CD151: variants seen among roughly 807,000 people sequenced by gnomAD.
CD151 encodes the protein CD151 molecule (Raph blood group), also known as CD151 antigen.
In CD151, 20 loss-of-function variants were observed where a neutral mutation model predicts 34.2. That is an observed-to-expected ratio of 0.58 (90% CI 0.41 to 0.85). The LOEUF (loss-of-function observed/expected upper bound fraction) is 0.85. Ranked by LOEUF, CD151 falls within the 40% of genes least tolerant of loss-of-function variation. The pLI is 0.00. For synonymous variants in CD151, 157 were observed against 131.7 expected, an observed-to-expected ratio of 1.19 and a Z score of -1.32; for missense variants, 306 against 324.5, an observed-to-expected ratio of 0.94 and a Z score of 0.44.
chr11:833,580 C>A (rs1846623763), intron 1 of CD151, among the ~76,000 whole-genome samples: 1 of 152,220 alleles, frequency 6.6e-6, no homozygotes, highest in South Asian at 2.1e-4. Context: ...GGTGCAGGTC[C>A]CGGGGACTTG....
rs963137891 is a variant in CD151 at position 836,548 on chromosome 11, G to T, written c.276+106G>T. The T allele has an allele frequency of 8.9e-5, 81 of 914,204 alleles. No individual in the cohort carries two copies. The South Asian group carries it at 1.2e-3, about 14-fold the overall frequency. The allele number at this position is 914,204 out of a possible 1,614,324, so 56.6% of individuals were successfully genotyped here. On this transcript the variant is annotated intron_variant, in intron 4 of 8. Transcript: ENST00000397420. Reference sequence around the variant, plus strand: ...CCTTGCTGTGCTCACCTGGGGGGGGGGTCACGGTCCTTCCACACCTGCCTA... The same window carrying T: ...CCTTGCTGTGCTCACCTGGGGGGGGTGTCACGGTCCTTCCACACCTGCCTA...
At position 838,256 on chromosome 11, in the gene CD151, G is replaced by T; in HGVS notation, c.*64G>T. The T allele has an allele frequency of 7.2e-7, 1 of 1,398,080 alleles. No individual in the cohort carries two copies. Among genetic ancestry groups the T allele is most frequent in the South Asian group, 1.2e-5 (1 of 86,432 alleles). The allele number at this position is 1,398,080 out of a possible 1,614,324, so 86.6% of individuals were successfully genotyped here. On this transcript the variant is annotated 3_prime_UTR_variant, in exon 9 of 9. Transcript: ENST00000397420. Reference sequence around the variant, plus strand: ...GAGCTGAGACCACTGAGTACCAGGGGCTGGGCTCCCTGATGACACCCACCC... The same window carrying T: ...GAGCTGAGACCACTGAGTACCAGGGTCTGGGCTCCCTGATGACACCCACCC...
intron 1 of CD151, 35 bp downstream of exon 1, chr11:833,061 GGCGAGCGGGGCGAGGGGGGCGAGGGGC>G (rs931451443): frequency 1.3e-5 from 2 of 150,752 alleles, no homozygotes; most frequent in African/African-American, 4.9e-5. Flanking sequence ...GGCCGAGCGG[GGCGAGCGGGGCGAGGGGGGCGAGGGGC>G]GCGAGGGGGG....
intron 1 of CD151, among the ~76,000 whole-genome samples, chr11:833,629 A>G (rs111609686): frequency 0.041 from 6,276 of 152,250 alleles, 161 homozygotes; most frequent in Middle Eastern, 0.051. Flanking sequence ...GCCCTTTCCC[A>G]GGGGGTCCAG....
chr11:835,860 TG>T, intron 2 of CD151: 1 of 520,648 alleles, frequency 1.9e-6, no homozygotes, highest in Non-Finnish European at 3.5e-6. Flanking sequence ...GCTAATTTTT[TG>T]TATTTCTAGT....
Position 836,909 on chromosome 11 carries a change from G to A in CD151, c.351+66G>A, listed in dbSNP as rs1165551703. The A allele has an allele frequency of 4.3e-6, 6 of 1,394,036 alleles. No individual in the cohort carries two copies. In the Admixed American group the frequency reaches 5.3e-5, roughly 12 times the overall value. The allele number at this position is 1,394,036 out of a possible 1,614,324, so 86.4% of individuals were successfully genotyped here. A position where few individuals can be genotyped will look rare whatever the true frequency, so the allele number is the denominator to read the frequency against. On this transcript the variant is annotated intron_variant, in intron 5 of 8. Transcript: ENST00000397420. ...ACAGGCGGGGCGGACACACACACAT[G>A]CACACGCGTGGCTAGCCCCAACCCC...
In CD151 at chr11:837,457, C is replaced by T. The variant is rs370625724; in HGVS notation, c.457-3C>T. Reference sequence around the variant, plus strand: ...CTCAACCCCAGCCTTGTTCTTGATGCAGTTCCACTGCTGTGGCAGCAACAA... The same window carrying T: ...CTCAACCCCAGCCTTGTTCTTGATGTAGTTCCACTGCTGTGGCAGCAACAA... On this transcript the variant is annotated splice_region_variant and splice_polypyrimidine_tract_variant and intron_variant, in intron 6 of 8. Transcript: ENST00000397420. 181 of 1,612,746 alleles carry T rather than the reference C, an allele frequency of 1.1e-4. 2 individuals carry two copies. Among genetic ancestry groups the T allele is most frequent in the Non-Finnish European group, 1.5e-4 (172 of 1,179,918 alleles).
At chr11:833,070 G>GGCGAGCGGGGCGAGGGGGGCGAGGGGC (rs1846573932) in intron 1 of CD151, 44 bp downstream of exon 1, 3 of 130,464 alleles carry the variant, frequency 2.3e-5, no homozygotes, top group South Asian at 2.3e-4. Flanking sequence ...GGGCGAGCGG[G>GGCGAGCGGGGCGAGGGGGGCGAGGGGC]GCGAGGGGGG....
rs757008071 is a variant in CD151, at chr11:837,352, G to GT, written c.454_455insT (p.Glu152ValfsTer17). On this transcript the variant is annotated frameshift_variant and splice_region_variant, in exon 6 of 9. Coordinates refer to ENST00000397420, the MANE Select transcript of CD151 (RefSeq NM_004357.5). LOFTEE classifies it high-confidence loss of function. ...CAGCGCTGTGGACCAGCTGCAGCAG[G>GT]AGGTGGGTGGGTGGTGCTGGGAGGG... 6.2e-7 allele frequency: 1 copy of GT among 1,612,614 alleles called. No homozygotes were observed. The highest frequency in any genetic ancestry group is 8.5e-7 in the Non-Finnish European group (1 of 1,179,686).
rs1015405194 is a variant in CD151 at position 838,711 on chromosome 11, C to T, written c.*519C>T. On this transcript the variant is annotated 3_prime_UTR_variant, in exon 9 of 9. Transcript: ENST00000397420. ...CCCGAAATGCCACGTGGTCACTGTGCACTGCCCTGTTCATGTGCCTCTGCG... is the reference window on the plus strand; with the variant it reads ...CCCGAAATGCCACGTGGTCACTGTGTACTGCCCTGTTCATGTGCCTCTGCG... 5.1e-6 allele frequency: 1 copy of T among 194,268 alleles called. No homozygotes were observed. Among genetic ancestry groups the T allele is most frequent in the South Asian group, 9.4e-5 (1 of 10,614 alleles). The allele number at this position is 194,268 out of a possible 1,614,324, so 12.0% of individuals were successfully genotyped here. A position where few individuals can be genotyped will look rare whatever the true frequency, so the allele number is the denominator to read the frequency against.
Position 837,333 on chromosome 11 carries a change from T to A in CD151, c.435T>A (p.Ala145=). Residue 145 remains alanine, a synonymous_variant, in exon 6 of 9, where the codon GCT becomes GCA. Coordinates refer to ENST00000397420, the MANE Select transcript of CD151 (RefSeq NM_004357.5). ...CGGGCCATGAGGCTGTGACCAGCGC[T>A]GTGGACCAGCTGCAGCAGGAGGTGG... is the stretch of plus-strand genomic sequence containing the variant. The part of the protein sequence containing the change: ...HQPGHEAVTS[A]VDQLQQEFHC... 6.2e-7 allele frequency: 1 copy of A among 1,612,834 alleles called. No individual in the cohort carries two copies. The highest frequency in any genetic ancestry group is 8.5e-7 in the Non-Finnish European group (1 of 1,179,874).
rs747742714 is a variant in CD151, at chr11:836,311, A to G, written c.145A>G (p.Ile49Val). 5.7e-5 allele frequency: 92 copies of G among 1,612,648 alleles called. No homozygotes were observed. The highest frequency in any genetic ancestry group is 4.0e-4 in the Admixed American group (24 of 60,002). Reference sequence around the variant, plus strand: ...GACGCTGGCCCTCAAGAGTGACTACATCAGCCTGCTGGCCTCAGGCACCTA... The same window carrying G: ...GACGCTGGCCCTCAAGAGTGACTACGTCAGCCTGCTGGCCTCAGGCACCTA... ...IWTLALKSDY[I>V]SLLASGTYLA... The change falls in exon 4 of 9, where the codon ATC becomes GTC. Residue 49 changes from isoleucine to valine, a missense_variant. Ile to Val is a conservative substitution (Grantham distance 29, BLOSUM62 3). Transcript: ENST00000397420.
In CD151 at chr11:838,243, C is replaced by CTT; in HGVS notation, c.*52_*53insTT. On this transcript the variant is annotated 3_prime_UTR_variant, in exon 9 of 9. Coordinates refer to ENST00000397420, the MANE Select transcript of CD151 (RefSeq NM_004357.5). The stretch of plus-strand genomic sequence containing the variant: ...GCACCCAACTACTGAGCTGAGACCA[C>CTT]TGAGTACCAGGGGCTGGGCTCCCTG... 1 of 1,499,274 alleles carries CTT rather than the reference C, an allele frequency of 6.7e-7. No homozygotes were observed. Among genetic ancestry groups the CTT allele is most frequent in the Non-Finnish European group, 9.3e-7 (1 of 1,076,946 alleles). 92.9% of individuals were successfully genotyped at this position (1,499,274 alleles called of 1,614,324 possible).
In CD151 at chr11:838,207, T is replaced by TTGC. The variant is rs1303298468; in HGVS notation, c.*25_*27dup. 6.2e-7 allele frequency: 1 copy of TTGC among 1,609,362 alleles called. No homozygotes were observed. On this transcript the variant is annotated 3_prime_UTR_variant, in exon 9 of 9. Coordinates refer to ENST00000397420, the MANE Select transcript of CD151 (RefSeq NM_004357.5). ...AGCACTACTGACCCTGCCTTGGGCC[T>TTGC]TGCTGCTGCTGCACCCAACTACTGA...
intron 2 of CD151, chr11:835,160 G>A (rs978032824): frequency 1.3e-5 from 2 of 152,190 alleles, no homozygotes; most frequent in African/African-American, 4.8e-5. Flanking sequence ...AGTGATGGCG[G>A]GAGGTCCTCC....
Position 838,446 on chromosome 11 carries a change from T to C in CD151, c.*254T>C. 1.7e-6 allele frequency: 1 copy of C among 587,836 alleles called. No individual in the cohort carries two copies. Among genetic ancestry groups the C allele is most frequent in the Non-Finnish European group, 3.0e-6 (1 of 329,324 alleles). 36.4% of individuals were successfully genotyped at this position (587,836 alleles called of 1,614,324 possible). A position where few individuals can be genotyped will look rare whatever the true frequency, so the allele number is the denominator to read the frequency against. ...ACACACTCTCTGCCTGGTGGTCAGA[T>C]GCAGGTTGGAAGGGGCCTTGCTGAG... On this transcript the variant is annotated 3_prime_UTR_variant, in exon 9 of 9. Transcript: ENST00000397420.
At chr11:835,933 T>A (rs1188428628) in intron 2 of CD151, 130 bp from the exon 3 acceptor site, 21 of 661,788 alleles carry the variant, frequency 3.2e-5, no homozygotes, top group Middle Eastern at 6.7e-4. Flanking sequence ...GTGATCTGCC[T>A]GCCTTGGCCC....
rs766812210 is a variant in CD151 at position 837,587 on chromosome 11, G to C, written c.584G>C (p.Arg195Pro). 2 of 1,612,732 alleles carry C rather than the reference G, an allele frequency of 1.2e-6. No homozygotes were observed. Among genetic ancestry groups the C allele is most frequent in the Admixed American group, 3.3e-5 (2 of 60,004 alleles). ...ACGGTGGTGGCTCTTTGTGGGCAGC[G>C]AGACCATGCCTCCAACATCTACAAG... ...CKTVVALCGQRDHASNIYKVE... is the reference protein window; with the variant it reads ...CKTVVALCGQPDHASNIYKVE... Residue 195 changes from arginine (R) to proline (P), a missense_variant, in exon 7 of 9, where the codon CGA becomes CCA. By Grantham distance (103) the Arg-to-Pro change is moderately radical. Transcript: ENST00000397420.
intron 4 of CD151, 108 bp downstream of exon 4, chr11:836,550 TC>T (rs973633541): frequency 1.2e-6 from 1 of 813,410 alleles, no homozygotes; most frequent in African/African-American, 2.1e-5. Context: ...GGGGGGGGGG[TC>T]ACGGTCCTTC....
Sources: gnomAD v4.1 joint callset for allele counts (sites outside exome capture counted in the v4.1 genomes callset) on GRCh38, gnomAD v4.1.1 for gene constraint, MANE v1.5 for transcripts, NCBI Gene and HGNC (gene_info 2026-07-23, HGNC 2026-07-21) for gene names.